SCHIP1: variants seen among roughly 807,000 people sequenced by gnomAD.
SCHIP1 encodes schwannomin interacting protein 1, also known as schwannomin-interacting protein 1.
Under a neutral mutation model 29.7 loss-of-function variants are expected in SCHIP1, and 8 were observed. That is an observed-to-expected ratio of 0.27 (90% CI 0.16 to 0.49). SCHIP1 has a LOEUF of 0.49. Among genes scored for constraint, SCHIP1 ranks in the 20% least tolerant of loss-of-function variants. SCHIP1 has a pLI of 0.99. For synonymous variants in SCHIP1, 76 were observed against 94.9 expected, an observed-to-expected ratio of 0.80 and a Z score of 1.16; for missense variants, 193 against 294.6, an observed-to-expected ratio of 0.66 and a Z score of 2.52.
chr3:159,397,141 G>A, the SCHIP1 span, among the ~76,000 whole-genome samples: 86 of 148,322 alleles, frequency 5.8e-4, no homozygotes, highest in Non-Finnish European at 1.1e-3. Flanking sequence ...CATTCTTCAC[G>A]TAGTTCTCGA....
At chr3:159,409,963 C>A in the SCHIP1 span, among the ~76,000 whole-genome samples, 9 of 151,932 alleles carry the variant, frequency 5.9e-5, no homozygotes, top group African/African-American at 1.9e-4. Flanking sequence ...AACCCAGAAA[C>A]AAATCCATAC....
the SCHIP1 span, among the ~76,000 whole-genome samples, chr3:159,634,162 G>T: frequency 1.3e-5 from 2 of 152,060 alleles, no homozygotes; most frequent in African/African-American, 2.4e-5. Context: ...TTTAAAATGT[G>T]TTACATAAGC....
the SCHIP1 span, among the ~76,000 whole-genome samples, chr3:159,591,268 G>T: frequency 6.6e-6 from 1 of 151,974 alleles, no homozygotes; most frequent in African/African-American, 2.4e-5. Context: ...TCTTTCTCTT[G>T]CCTGATTGCC....
At chr3:159,626,216 A>ATC in the SCHIP1 span, among the ~76,000 whole-genome samples, 1 of 119,884 alleles carries the variant, frequency 8.3e-6, no homozygotes, top group African/African-American at 5.3e-5. Flanking sequence ...AGATATATCT[A>ATC]GATATATATA....
the SCHIP1 span, among the ~76,000 whole-genome samples, chr3:159,405,907 G>A: frequency 6.7e-6 from 1 of 149,704 alleles, no homozygotes; most frequent in Non-Finnish European, 1.5e-5. Flanking sequence ...AAAAGAAAAG[G>A]AAAATGCACA....
chr3:159,847,526 G>C (rs1711998506), intron 1 of SCHIP1, among the ~76,000 whole-genome samples: 1 of 152,198 alleles, frequency 6.6e-6, no homozygotes, highest in South Asian at 2.1e-4. Context: ...GTGACAATCA[G>C]TGTAGGAAAG....
the SCHIP1 span, among the ~76,000 whole-genome samples, chr3:159,707,798 TG>T: frequency 2.0e-4 from 31 of 152,326 alleles, no homozygotes; most frequent in East Asian, 4.8e-3. Context: ...TGGATTCCTT[TG>T]TCCCCCCTAA....
the SCHIP1 span, among the ~76,000 whole-genome samples, chr3:159,395,729 T>A: frequency 2.0e-5 from 3 of 151,904 alleles, no homozygotes; most frequent in African/African-American, 7.2e-5. Context: ...TGAGGAGAGC[T>A]TTACTTCCAA....
the SCHIP1 span, among the ~76,000 whole-genome samples, chr3:159,736,697 G>A: frequency 2.6e-5 from 4 of 151,460 alleles, no homozygotes; most frequent in Admixed American, 2.0e-4. Flanking sequence ...CACTGGGGAC[G>A]TTCTCCCCAC....
chr3:159,381,928 A>C, the SCHIP1 span, among the ~76,000 whole-genome samples: 1 of 152,094 alleles, frequency 6.6e-6, no homozygotes, highest in Non-Finnish European at 1.5e-5. Context: ...TATCCTTTGA[A>C]CAGGTCTCCT....
chr3:159,463,769 A>AATATAAATAG, the SCHIP1 span, among the ~76,000 whole-genome samples: 2 of 152,096 alleles, frequency 1.3e-5, no homozygotes, highest in East Asian at 3.9e-4. Context: ...AGATAGACAC[A>AATATAAATAG]CATAGCACAA....
chr3:159,597,168 G>T, the SCHIP1 span, among the ~76,000 whole-genome samples: 2 of 151,892 alleles, frequency 1.3e-5, no homozygotes, highest in Non-Finnish European at 2.9e-5. Context: ...AAAATCAAAT[G>T]GCATAAGGTT....
At chr3:159,499,621 TA>T in the SCHIP1 span, among the ~76,000 whole-genome samples, 1 of 152,240 alleles carries the variant, frequency 6.6e-6, no homozygotes, top group Non-Finnish European at 1.5e-5. Context: ...AAATGCAAAT[TA>T]TGTAGCCCCA....
At chr3:159,645,611 G>A in the SCHIP1 span, among the ~76,000 whole-genome samples, 561 of 152,192 alleles carry the variant, frequency 3.7e-3, 4 homozygotes, top group African/African-American at 0.013. Flanking sequence ...GCAGGAGTGC[G>A]GAGAATGGAT....
At chr3:159,777,316 G>C in the SCHIP1 span, among the ~76,000 whole-genome samples, 1 of 152,184 alleles carries the variant, frequency 6.6e-6, no homozygotes, top group Non-Finnish European at 1.5e-5. Context: ...TTGCCAAGAG[G>C]TCTGGTGAGA....
At chr3:159,391,845 G>A in the SCHIP1 span, among the ~76,000 whole-genome samples, 4 of 152,212 alleles carry the variant, frequency 2.6e-5, no homozygotes, top group South Asian at 2.1e-4. Flanking sequence ...AGTTTTGAAG[G>A]GGCTTACCCA....
At chr3:159,534,006 C>A in the SCHIP1 span, among the ~76,000 whole-genome samples, 2 of 152,294 alleles carry the variant, frequency 1.3e-5, no homozygotes, top group Admixed American at 6.5e-5. Context: ...CTTGTTATTG[C>A]AAATGGTTTG....
the SCHIP1 span, among the ~76,000 whole-genome samples, chr3:159,386,229 T>A: frequency 2.6e-5 from 4 of 152,106 alleles, no homozygotes; most frequent in African/African-American, 4.8e-5. Context: ...GATGGCTGGG[T>A]CAAATGGTAT....
At chr3:159,290,694 A>G in the SCHIP1 span, among the ~76,000 whole-genome samples, 1 of 152,130 alleles carries the variant, frequency 6.6e-6, no homozygotes, top group Non-Finnish European at 1.5e-5. Flanking sequence ...CTTTAAAAGA[A>G]TATTATGTAA....
Sources: allele counts gnomAD v4.1 joint callset (sites outside exome capture counted in the v4.1 genomes callset), GRCh38; gene constraint gnomAD v4.1.1; transcripts MANE v1.5; gene names NCBI Gene and HGNC (gene_info 2026-07-23, HGNC 2026-07-21).